The following IL6ST variants were observed in gnomAD, a reference collection of about 807,000 sequenced individuals.
IL6ST encodes the protein interleukin-6 receptor subunit beta.
Under a neutral mutation model 91.3 loss-of-function variants are expected in IL6ST, and 24 were observed. The observed-to-expected ratio is 0.26, with a 90% CI of 0.19 to 0.37. IL6ST has a LOEUF of 0.37. Ranked by LOEUF, IL6ST falls within the 10% of genes least tolerant of loss-of-function variation. The probability of loss-of-function intolerance (pLI) is 1.00; values close to 1 mark genes in which losing one functional copy is unlikely to be tolerated. For synonymous variants in IL6ST, 351 were observed against 373.6 expected (o/e 0.94, Z 0.70); for missense variants, 914 against 1,078.5 (o/e 0.85, Z 2.14).
At chr5:55,961,470 A>G (rs1752312375) in intron 7 of IL6ST, among the ~76,000 whole-genome samples, 1 of 151,970 alleles carries the variant, frequency 6.6e-6, no homozygotes, top group African/African-American at 2.4e-5. Flanking sequence ...AAGTTGAAAG[A>G]CAGCCGGCTG....
rs1203930818 is a variant in IL6ST at position 55,939,399 on chromosome 5, T to C, written c.*1683A>G. 2 of 201,350 alleles carry C rather than the reference T, an allele frequency of 9.9e-6. No homozygotes were observed. The highest frequency in any genetic ancestry group is 1.0e-5 in the Non-Finnish European group (1 of 97,900). 12.5% of individuals were successfully genotyped at this position (201,350 alleles called of 1,614,324 possible). A position where few individuals can be genotyped will look rare whatever the true frequency, so the allele number is the denominator to read the frequency against. On this transcript the variant is annotated 3_prime_UTR_variant, in exon 17 of 17. Transcript: ENST00000381298. Reference sequence around the variant, plus strand: ...AATATGTGAAAGAACTTTGAAAGGATGAGGCATTATATAAATGCAAGAATA... The same window carrying C: ...AATATGTGAAAGAACTTTGAAAGGACGAGGCATTATATAAATGCAAGAATA...
chr5:55,942,836 A>G, intron 15 of IL6ST, 85 bp from the exon 16 acceptor site: 1 of 710,506 alleles, frequency 1.4e-6, no homozygotes, highest in Non-Finnish European at 2.4e-6. Flanking sequence ...TTCATCAAAG[A>G]CTCTTACAAA....
At chr5:55,971,220 CTCTGT>C (rs1752946698) in intron 3 of IL6ST, among the ~76,000 whole-genome samples, 1 of 152,208 alleles carries the variant, frequency 6.6e-6, no homozygotes, top group African/African-American at 2.4e-5. Flanking sequence ...AGGACAGATA[CTCTGT>C]AGTCATCTTC....
At chr5:55,955,319 T>C (rs1343020675) in intron 10 of IL6ST, among the ~76,000 whole-genome samples, 1 of 152,056 alleles carries the variant, frequency 6.6e-6, no homozygotes, top group Non-Finnish European at 1.5e-5. Context: ...TAGCCAGGCA[T>C]TGTGGTGCGT....
intron 1 of IL6ST, among the ~76,000 whole-genome samples, chr5:55,983,384 AG>A (rs1254852812): frequency 6.6e-6 from 1 of 152,236 alleles, no homozygotes; most frequent in Non-Finnish European, 1.5e-5. Context: ...GAAACATGAC[AG>A]GAACATTTAT....
intron 15 of IL6ST, among the ~76,000 whole-genome samples, chr5:55,945,845 G>A (rs952890934): frequency 2.0e-5 from 3 of 151,376 alleles, no homozygotes; most frequent in African/African-American, 7.3e-5. Flanking sequence ...AGAGATGTTA[G>A]CCACTGTGTT....
intron 8 of IL6ST, among the ~76,000 whole-genome samples, chr5:55,959,894 T>TG (rs919774801): frequency 4.6e-5 from 7 of 152,110 alleles, no homozygotes; most frequent in African/African-American, 1.7e-4. Context: ...GATGAATTTT[T>TG]TTTTTTTTTG....
chr5:55,947,715 T>A, intron 14 of IL6ST, 126 bp from the exon 15 acceptor site: 1 of 606,504 alleles, frequency 1.6e-6, no homozygotes, highest in Non-Finnish European at 2.9e-6. Context: ...ACAATCCTAA[T>A]TATTTTTCAA....
chr5:55,965,784 C>T (rs951440781), intron 5 of IL6ST, among the ~76,000 whole-genome samples: 4 of 140,082 alleles, frequency 2.9e-5, no homozygotes, highest in African/African-American at 8.2e-5. Context: ...CACTTCACTA[C>T]AGCCTGGTCA....
At chr5:55,955,238 A>G (rs974439319) in intron 10 of IL6ST, among the ~76,000 whole-genome samples, 1 of 152,224 alleles carries the variant, frequency 6.6e-6, no homozygotes, top group South Asian at 2.1e-4. Context: ...CAGGTGGATC[A>G]CTTGACATCA....
At chr5:55,962,394 A>G (rs1256944242) in intron 7 of IL6ST, among the ~76,000 whole-genome samples, 1 of 152,232 alleles carries the variant, frequency 6.6e-6, no homozygotes, top group Non-Finnish European at 1.5e-5. Context: ...GAGTATGGAT[A>G]GCTGAATGCT....
chr5:55,980,956 C>T (rs902780158), intron 2 of IL6ST, among the ~76,000 whole-genome samples: 1 of 152,178 alleles, frequency 6.6e-6, no homozygotes, highest in Non-Finnish European at 1.5e-5. Context: ...TCCCAAACTC[C>T]TGGTCTGAAG....
rs142501856 is a variant in IL6ST at position 55,963,059 on chromosome 5, G to A, written c.813+293C>T. Among the ~76,000 whole-genome samples, 774 of 151,622 alleles carry A rather than the reference G, an allele frequency of 5.1e-3. 5 individuals are homozygous for A. The highest frequency in any genetic ancestry group is 0.017 in the Middle Eastern group (5 of 294). ...GAGTTCAAAATTGCAGTGAGCCAGC[G>A]GCCTGGGCAAATGGAGACCCTGTCT... On this transcript the variant is annotated intron_variant, in intron 7 of 16. Coordinates refer to ENST00000381298, the MANE Select transcript of IL6ST (RefSeq NM_002184.4).
chr5:55,942,331 A>G (rs777358076), intron 16 of IL6ST, among the ~76,000 whole-genome samples: 1 of 152,184 alleles, frequency 6.6e-6, no homozygotes, highest in Non-Finnish European at 1.5e-5. Context: ...CTCAACCCAA[A>G]ATGCTTGAGG....
intron 15 of IL6ST, among the ~76,000 whole-genome samples, chr5:55,944,447 T>G (rs1489446694): frequency 1.3e-5 from 2 of 152,196 alleles, no homozygotes; most frequent in African/African-American, 4.8e-5. Flanking sequence ...AACATTTCAT[T>G]TATAATAACA....
At chr5:55,993,325 C>T (rs3827618) in intron 1 of IL6ST, among the ~76,000 whole-genome samples, 1 of 151,884 alleles carries the variant, frequency 6.6e-6, no homozygotes, top group East Asian at 1.9e-4. Flanking sequence ...TAGTTTTCAG[C>T]GAGACTCCTG....
chr5:55,976,300 C>T lies in IL6ST; in HGVS notation c.-15-7G>A, dbSNP rs1307575267. The T allele has an allele frequency of 1.3e-6, 2 of 1,534,170 alleles. No individual in the cohort carries two copies. The highest frequency in any genetic ancestry group is 1.4e-5 in the African/African-American group (1 of 72,196). On this transcript the variant is annotated splice_polypyrimidine_tract_variant and splice_region_variant and intron_variant, in intron 2 of 16. Coordinates refer to ENST00000381298, the MANE Select transcript of IL6ST (RefSeq NM_002184.4). ...ACATCTTGCGCGGATATTTCTGCAA[C>T]AGACACATGTAATATTACTTTTAAT...
chr5:55,976,691 A>T (rs951897062), intron 2 of IL6ST, among the ~76,000 whole-genome samples: 3 of 152,174 alleles, frequency 2.0e-5, no homozygotes, highest in African/African-American at 7.2e-5. Context: ...ATGGCCAAAA[A>T]TTTTCCCGAT....
chr5:55,959,720 T>C (rs1752193324), intron 8 of IL6ST: 2 of 951,378 alleles, frequency 2.1e-6, no homozygotes, highest in East Asian at 5.6e-5. Context: ...ATATTTTTGA[T>C]AGTGGGGATC....
Sources: gnomAD v4.1 joint callset for allele counts (sites outside exome capture counted in the v4.1 genomes callset) on GRCh38, gnomAD v4.1.1 for gene constraint, MANE v1.5 for transcripts, NCBI Gene and HGNC (gene_info 2026-07-23, HGNC 2026-07-21) for gene names.